NCMAP: variants seen among roughly 807,000 people sequenced by gnomAD.
NCMAP encodes the protein non-compact myelin associated protein.
Under a neutral mutation model 7.8 loss-of-function variants are expected in NCMAP, and 8 were observed. The ratio of observed to expected loss-of-function variants is 1.02; its 90% confidence interval spans 0.60 to 1.84. The LOEUF is 1.84. NCMAP is among the 40% of genes most tolerant of loss of function. The pLI, the probability that NCMAP is intolerant of heterozygous loss-of-function variation, is 0.00. For missense variants in NCMAP, 112 were observed against 131.4 expected (o/e 0.85, Z 0.72); for synonymous variants, 41 against 52.9 (o/e 0.78, Z 0.98).
intron 1 of NCMAP, among the ~76,000 whole-genome samples, chr1:24,588,793 G>A (rs1303507927): frequency 6.6e-6 from 1 of 152,184 alleles, no homozygotes; most frequent in Non-Finnish European, 1.5e-5. Context: ...GTGTGGCCAA[G>A]GGCAGGAGTA....
chr1:24,556,647 C>T (rs1028544563), intron 1 of NCMAP, among the ~76,000 whole-genome samples: 3 of 152,110 alleles, frequency 2.0e-5, no homozygotes, highest in Non-Finnish European at 2.9e-5. Flanking sequence ...GAGAAGGAGC[C>T]CAGGGCCGTA....
At chr1:24,566,806 G>A (rs899477142) in intron 1 of NCMAP, among the ~76,000 whole-genome samples, 1 of 152,170 alleles carries the variant, frequency 6.6e-6, no homozygotes. Flanking sequence ...GACAATTATT[G>A]TATGCTGGGT....
chr1:24,567,047 T>A (rs1034025395), intron 1 of NCMAP, among the ~76,000 whole-genome samples: 1 of 152,162 alleles, frequency 6.6e-6, no homozygotes, highest in Non-Finnish European at 1.5e-5. Flanking sequence ...TGAGAGGGGC[T>A]GTGATGGTCC....
At chr1:24,569,140 C>T (rs1407477248) in intron 1 of NCMAP, among the ~76,000 whole-genome samples, 1 of 151,908 alleles carries the variant, frequency 6.6e-6, no homozygotes, top group Non-Finnish European at 1.5e-5. Flanking sequence ...ATTACAGGCG[C>T]CTGCCACCAT....
At chr1:24,556,778 C>CAA (rs1650909393) in intron 1 of NCMAP, among the ~76,000 whole-genome samples, 1 of 152,048 alleles carries the variant, frequency 6.6e-6, no homozygotes, top group Non-Finnish European at 1.5e-5. Context: ...ATGGCTGTGT[C>CAA]AAATATGAAG....
intron 1 of NCMAP, among the ~76,000 whole-genome samples, chr1:24,584,776 G>A (rs895786235): frequency 6.6e-6 from 1 of 151,952 alleles, no homozygotes; most frequent in South Asian, 2.1e-4. Flanking sequence ...AGTTCCTCAG[G>A]ACATAATCCC....
rs1651731851 is a variant in NCMAP at position 24,581,157 on chromosome 1, G to GC, written c.-7-14265dup. Among the ~76,000 whole-genome samples, 5 of 150,690 alleles carry GC rather than the reference G, an allele frequency of 3.3e-5. No homozygotes were observed. The South Asian group carries it at 1.1e-3, about 32-fold the overall frequency. On this transcript the variant is annotated intron_variant, in intron 1 of 3. Transcript: ENST00000374392. Reference sequence around the variant, plus strand: ...TTTTGAGACGAGGTCTCGCTGCGATGCCAGGCTGGAGAGCAGTGGTGCTAT... The same window carrying GC: ...TTTTGAGACGAGGTCTCGCTGCGATGCCCAGGCTGGAGAGCAGTGGTGCTAT...
chr1:24,562,501 A>G (rs1651082330), intron 1 of NCMAP, among the ~76,000 whole-genome samples: 1 of 152,174 alleles, frequency 6.6e-6, no homozygotes, highest in Non-Finnish European at 1.5e-5. Flanking sequence ...CTGTCTCCCT[A>G]TCACCCAACA....
At chr1:24,570,818 C>T (rs193229999) in intron 1 of NCMAP, among the ~76,000 whole-genome samples, 6 of 151,136 alleles carry the variant, frequency 4.0e-5, no homozygotes, top group Admixed American at 2.6e-4. Context: ...CTCAGTGCCA[C>T]AGTCTCTAGC....
chr1:24,582,816 A>C (rs371157890), intron 1 of NCMAP, among the ~76,000 whole-genome samples: 6 of 142,028 alleles, frequency 4.2e-5, no homozygotes, highest in African/African-American at 1.3e-4. Flanking sequence ...AAACGTATAG[A>C]TCCTAGCTTT....
intron 1 of NCMAP, among the ~76,000 whole-genome samples, chr1:24,582,225 G>A (rs554118289): frequency 6.6e-6 from 1 of 152,314 alleles, no homozygotes; most frequent in Non-Finnish European, 1.5e-5. Context: ...GTGTCTGCGT[G>A]TAAAGGCAGT....
intron 1 of NCMAP, among the ~76,000 whole-genome samples, chr1:24,577,406 T>TTTTTTTTTTTTTTTTTTTTTTTTG (rs1651609430): frequency 7.5e-6 from 1 of 133,898 alleles, no homozygotes; most frequent in African/African-American, 3.3e-5. Context: ...GCCTTGTTTT[T>TTTTTTTTTTTTTTTTTTTTTTTTG]TTTTTTTTTT....
intron 1 of NCMAP, among the ~76,000 whole-genome samples, chr1:24,594,668 A>G (rs141118515): frequency 2.6e-5 from 4 of 152,208 alleles, no homozygotes; most frequent in Non-Finnish European, 4.4e-5. Context: ...ATTCAACTGT[A>G]TCTCTTCCAT....
chr1:24,573,954 A>C (rs1179245924), intron 1 of NCMAP, among the ~76,000 whole-genome samples: 5 of 30,142 alleles, frequency 1.7e-4, no homozygotes, highest in Admixed American at 1.4e-3. Flanking sequence ...AGAGAGGACA[A>C]AAAAAAAAAA....
At chr1:24,594,381 G>A (rs1358427126) in intron 1 of NCMAP, among the ~76,000 whole-genome samples, 1 of 152,148 alleles carries the variant, frequency 6.6e-6, no homozygotes, top group East Asian at 1.9e-4. Flanking sequence ...CTCAGAGAGT[G>A]TTTGAGTCCA....
chr1:24,592,778 G>T (rs543902809), intron 1 of NCMAP, among the ~76,000 whole-genome samples: 2 of 152,274 alleles, frequency 1.3e-5, no homozygotes, highest in South Asian at 4.1e-4. Flanking sequence ...AATTAGCCGG[G>T]AGTGGTGGCG....
At position 24,595,426 on chromosome 1, in the gene NCMAP, T is replaced by A. The variant is rs571163203; in HGVS notation, c.-5T>A. Reference sequence around the variant, plus strand: ...AATATCTTCTTCTTTCTCATCAGGATCGAGATGACCACAGCCACCCCTCTG... The same window carrying A: ...AATATCTTCTTCTTTCTCATCAGGAACGAGATGACCACAGCCACCCCTCTG... On this transcript the variant is annotated splice_region_variant and 5_prime_UTR_variant, in exon 2 of 4. Transcript: ENST00000374392. 6.2e-7 allele frequency: 1 copy of A among 1,607,040 alleles called. No homozygotes were observed. Among genetic ancestry groups the A allele is most frequent in the Non-Finnish European group, 8.5e-7 (1 of 1,173,716 alleles).
At chr1:24,593,321 TAA>T (rs11331271) in intron 1 of NCMAP, among the ~76,000 whole-genome samples, 23 of 150,826 alleles carry the variant, frequency 1.5e-4, no homozygotes, top group South Asian at 8.4e-4. Flanking sequence ...CTAGCCTCTA[TAA>T]AAAAAAAAGA....
Position 24,605,833 on chromosome 1 carries a change from A to C in NCMAP, c.*86A>C. 6.7e-7 allele frequency: 1 copy of C among 1,501,846 alleles called. No homozygotes were observed. The highest frequency in any genetic ancestry group is 9.1e-7 in the Non-Finnish European group (1 of 1,093,452). The allele number at this position is 1,501,846 out of a possible 1,614,324, so 93.0% of individuals were successfully genotyped here. A position where few individuals can be genotyped will look rare whatever the true frequency, so the allele number is the denominator to read the frequency against. On this transcript the variant is annotated 3_prime_UTR_variant, in exon 4 of 4. Coordinates refer to ENST00000374392, the MANE Select transcript of NCMAP (RefSeq NM_001010980.5). The stretch of plus-strand genomic sequence containing the variant: ...AGGCACACTCTCTGGCAGCTTCACA[A>C]TGAGCTTCTTCTGGTCAGGTCGACA...
Sources: gnomAD v4.1 joint callset for allele counts (sites outside exome capture counted in the v4.1 genomes callset) on GRCh38, gnomAD v4.1.1 for gene constraint, MANE v1.5 for transcripts, NCBI Gene and HGNC (gene_info 2026-07-23, HGNC 2026-07-21) for gene names.